Variants in SGCZ observed in about 807,000 individuals in gnomAD.
SGCZ encodes the protein sarcoglycan zeta, also known as zeta-sarcoglycan.
In SGCZ, 40 loss-of-function variants were observed where a neutral mutation model predicts 41.3. The observed-to-expected ratio is 0.97, with a 90% confidence interval of 0.75 to 1.26. The LOEUF (loss-of-function observed/expected upper bound fraction) is 1.26, where lower values mean the gene tolerates loss of function less well. Ranked by LOEUF, SGCZ falls within the 50% of genes most tolerant of loss-of-function variation. The probability of loss-of-function intolerance (pLI) is 0.00; values close to 1 mark genes in which losing one functional copy is unlikely to be tolerated. For missense variants in SGCZ, 552 were observed against 369.8 expected (o/e 1.49, Z -4.04); for synonymous variants, 206 against 137.5 (o/e 1.50, Z -3.49).
chr8:15,197,037 G>A (rs1800753978), intron 1 of SGCZ, among the ~76,000 whole-genome samples: 2 of 152,224 alleles, frequency 1.3e-5, no homozygotes, highest in African/African-American at 4.8e-5. Context: ...TTTAAGCCAA[G>A]ACTCAGAAAT....
chr8:14,970,035 A>G (rs1391143229), intron 1 of SGCZ, among the ~76,000 whole-genome samples: 1 of 152,148 alleles, frequency 6.6e-6, no homozygotes, highest in Non-Finnish European at 1.5e-5. Context: ...TTTTAATTAT[A>G]GTCATTCTCA....
chr8:14,473,626 T>C (rs772339088), intron 2 of SGCZ, among the ~76,000 whole-genome samples: 19 of 152,168 alleles, frequency 1.2e-4, no homozygotes, highest in Admixed American at 3.3e-4. Flanking sequence ...TGAAATCTTA[T>C]ATGTCAACAG....
intron 2 of SGCZ, among the ~76,000 whole-genome samples, chr8:14,366,932 T>C (rs1803730416): frequency 6.6e-6 from 1 of 152,154 alleles, no homozygotes; most frequent in African/African-American, 2.4e-5. Flanking sequence ...CCCCAACGTC[T>C]TGGAAGTTAA....
intron 1 of SGCZ, among the ~76,000 whole-genome samples, chr8:14,661,214 G>T (rs1159615434): frequency 6.6e-6 from 1 of 152,024 alleles, no homozygotes; most frequent in Non-Finnish European, 1.5e-5. Flanking sequence ...TCATTAAAAT[G>T]GTGTATAAAA....
chr8:14,445,310 T>A (rs1800399474), intron 2 of SGCZ, among the ~76,000 whole-genome samples: 1 of 152,222 alleles, frequency 6.6e-6, no homozygotes, highest in South Asian at 2.1e-4. Context: ...CTAAACAATG[T>A]ATTTTTACTA....
chr8:14,194,972 CTAACT>C (rs1250493044), intron 4 of SGCZ, among the ~76,000 whole-genome samples: 1 of 152,060 alleles, frequency 6.6e-6, no homozygotes, highest in African/African-American at 2.4e-5. Context: ...ATCTGTTCAA[CTAACT>C]TAATTGCAAC....
At chr8:14,106,287 A>AGTT (rs1554457998) in intron 6 of SGCZ, among the ~76,000 whole-genome samples, 1 of 152,198 alleles carries the variant, frequency 6.6e-6, no homozygotes, top group Non-Finnish European at 1.5e-5. Flanking sequence ...TTTTCACAAA[A>AGTT]GTTGTTGAAT....
At chr8:14,510,580 T>C (rs1041518807) in intron 2 of SGCZ, among the ~76,000 whole-genome samples, 2 of 152,104 alleles carry the variant, frequency 1.3e-5, no homozygotes, top group Non-Finnish European at 2.9e-5. Flanking sequence ...CACCTTTGCT[T>C]CCTATGGTTA....
intron 2 of SGCZ, among the ~76,000 whole-genome samples, chr8:14,465,076 T>C (rs928092387): frequency 4.0e-5 from 6 of 151,674 alleles, no homozygotes; most frequent in African/African-American, 1.2e-4. Flanking sequence ...GAGTGTTCCA[T>C]ATATCTCTAT....
At chr8:14,784,697 C>A (rs1413896021) in intron 1 of SGCZ, among the ~76,000 whole-genome samples, 1 of 151,108 alleles carries the variant, frequency 6.6e-6, no homozygotes, top group Non-Finnish European at 1.5e-5. Flanking sequence ...GAGTTCAAGA[C>A]CAGCCTGACT....
chr8:14,877,343 C>T (rs768914191), intron 1 of SGCZ, among the ~76,000 whole-genome samples: 4 of 152,000 alleles, frequency 2.6e-5, no homozygotes, highest in Non-Finnish European at 4.4e-5. Flanking sequence ...GACACCATTA[C>T]GAAGAAAACA....
rs374823188 is a variant in SGCZ at position 15,074,093 on chromosome 8, C to T, written c.39+163492G>A. 3.5e-4 allele frequency among the ~76,000 whole-genome samples: 53 copies of T among 152,226 alleles called. 2 individuals carry two copies. The highest frequency in any genetic ancestry group is 1.3e-3 in the African/African-American group (53 of 41,538). ...TGCAAGATTTATAGGAGCATTGTGGCCTAAGGACAAAGAAGTTTCACAACC... is the reference window on the plus strand; with the variant it reads ...TGCAAGATTTATAGGAGCATTGTGGTCTAAGGACAAAGAAGTTTCACAACC... On this transcript the variant is annotated intron_variant, in intron 1 of 7. Coordinates refer to ENST00000382080, the MANE Select transcript of SGCZ (RefSeq NM_139167.4).
chr8:14,450,795 G>C (rs1288500641), intron 2 of SGCZ, among the ~76,000 whole-genome samples: 1 of 152,132 alleles, frequency 6.6e-6, no homozygotes, highest in Non-Finnish European at 1.5e-5. Flanking sequence ...GGAGAGCTCT[G>C]AAGTACACAC....
intron 1 of SGCZ, among the ~76,000 whole-genome samples, chr8:14,832,893 A>G (rs1802580029): frequency 6.6e-6 from 1 of 152,162 alleles, no homozygotes; most frequent in Non-Finnish European, 1.5e-5. Flanking sequence ...GGTTTTTTTA[A>G]CTATAATATC....
At chr8:15,083,583 T>C (rs953696155) in intron 1 of SGCZ, among the ~76,000 whole-genome samples, 1 of 152,052 alleles carries the variant, frequency 6.6e-6, no homozygotes, top group Non-Finnish European at 1.5e-5. Flanking sequence ...CAGTATCTCA[T>C]TGTCACCTAG....
intron 3 of SGCZ, among the ~76,000 whole-genome samples, chr8:14,297,254 G>C (rs1426145154): frequency 2.0e-5 from 3 of 151,976 alleles, no homozygotes; most frequent in Admixed American, 1.3e-4. Flanking sequence ...CTTATAATTT[G>C]AGGATATAGA....
chr8:14,712,006 T>C (rs1472016570), intron 1 of SGCZ, among the ~76,000 whole-genome samples: 2 of 152,176 alleles, frequency 1.3e-5, no homozygotes, highest in East Asian at 3.9e-4. Flanking sequence ...TGGTGGCTCA[T>C]GCCTGTAATC....
chr8:14,378,887 T>TA (rs968076265), intron 2 of SGCZ, among the ~76,000 whole-genome samples: 13 of 152,146 alleles, frequency 8.5e-5, no homozygotes, highest in South Asian at 2.1e-4. Flanking sequence ...TTAACAGACC[T>TA]AAAAAAAATC....
chr8:14,603,915 C>A (rs903792319), intron 1 of SGCZ, among the ~76,000 whole-genome samples: 3 of 152,014 alleles, frequency 2.0e-5, no homozygotes, highest in African/African-American at 7.2e-5. Context: ...TTATGCTTGA[C>A]CCGCTGATCT....
Sources: allele counts gnomAD v4.1 joint callset (sites outside exome capture counted in the v4.1 genomes callset), GRCh38; gene constraint gnomAD v4.1.1; transcripts MANE v1.5; gene names NCBI Gene and HGNC (gene_info 2026-07-23, HGNC 2026-07-21).